The following PPARGC1A variants were observed in gnomAD, a reference collection of about 807,000 sequenced individuals.
PPARGC1A encodes the protein PPARG coactivator 1 alpha.
PPARGC1A carries 25 observed loss-of-function variants against 88.7 expected under a neutral mutation model. That is an observed-to-expected ratio of 0.28 (90% CI 0.21 to 0.39). PPARGC1A has a LOEUF of 0.39. PPARGC1A is among the 10% of genes least tolerant of loss of function. PPARGC1A has a pLI of 1.00. For missense variants in PPARGC1A, 880 were observed against 968.7 expected (o/e 0.91, Z 1.22); for synonymous variants, 363 against 355.6 (o/e 1.02, Z -0.24).
the PPARGC1A span, among the ~76,000 whole-genome samples, chr4:24,104,884 G>T: frequency 6.6e-6 from 1 of 152,324 alleles, no homozygotes; most frequent in Non-Finnish European, 1.5e-5. Flanking sequence ...AAATACTGCA[G>T]TTCACCAGCT....
the PPARGC1A span, among the ~76,000 whole-genome samples, chr4:24,336,927 TAATA>T: frequency 3.3e-5 from 5 of 152,160 alleles, no homozygotes; most frequent in African/African-American, 1.2e-4. Flanking sequence ...TTTAAAATAA[TAATA>T]AATAAATAAT....
At chr4:24,110,584 A>C in the PPARGC1A span, among the ~76,000 whole-genome samples, 1 of 152,208 alleles carries the variant, frequency 6.6e-6, no homozygotes, top group Admixed American at 6.5e-5. Flanking sequence ...ACAGCAAGAA[A>C]CACAAGTAAA....
the PPARGC1A span, among the ~76,000 whole-genome samples, chr4:24,172,659 T>G: frequency 6.6e-6 from 1 of 152,200 alleles, no homozygotes; most frequent in African/African-American, 2.4e-5. Flanking sequence ...TTAGATGTAA[T>G]TCCCTCCCTC....
chr4:23,805,465 C>A (rs1220546722), intron 10 of PPARGC1A, among the ~76,000 whole-genome samples: 1 of 152,136 alleles, frequency 6.6e-6, no homozygotes, highest in Non-Finnish European at 1.5e-5. Flanking sequence ...GTAACCAGTG[C>A]AGGCTGCCTG....
the PPARGC1A span, among the ~76,000 whole-genome samples, chr4:24,188,475 C>G: frequency 2.1e-4 from 32 of 152,184 alleles, 1 homozygote; most frequent in South Asian, 6.0e-3. Flanking sequence ...TTTGACATTC[C>G]CCTTTATCAT....
the PPARGC1A span, among the ~76,000 whole-genome samples, chr4:23,910,347 ATTATATATATTATATATATTATAT>A: frequency 1.6e-5 from 1 of 63,180 alleles, no homozygotes; most frequent in East Asian, 5.2e-4. Context: ...TATATTATAT[ATTATATATATTATATATATTATAT>A]TATATTATAT....
the PPARGC1A span, among the ~76,000 whole-genome samples, chr4:24,427,064 A>C: frequency 6.6e-6 from 1 of 152,148 alleles, no homozygotes; most frequent in African/African-American, 2.4e-5. Context: ...AAACCAGATA[A>C]CCTGTTGGGG....
At chr4:24,154,895 A>C in the PPARGC1A span, among the ~76,000 whole-genome samples, 1 of 152,224 alleles carries the variant, frequency 6.6e-6, no homozygotes, top group Admixed American at 6.5e-5. Flanking sequence ...GCATTGTGGA[A>C]AGCCCTTTGG....
the PPARGC1A span, among the ~76,000 whole-genome samples, chr4:24,135,368 C>T: frequency 6.6e-6 from 1 of 152,104 alleles, no homozygotes; most frequent in Non-Finnish European, 1.5e-5. Flanking sequence ...AGGAACATGG[C>T]TGAGTAAACA....
At chr4:24,127,106 GA>G in the PPARGC1A span, among the ~76,000 whole-genome samples, 9 of 152,250 alleles carry the variant, frequency 5.9e-5, no homozygotes, top group African/African-American at 2.2e-4. Context: ...TAAAAGAGGG[GA>G]TGAGCCATGC....
At chr4:23,896,187 G>A (rs1369011490) in intron 1 of PPARGC1A, among the ~76,000 whole-genome samples, 3 of 151,996 alleles carry the variant, frequency 2.0e-5, no homozygotes, top group Admixed American at 6.6e-5. Context: ...CAAGCTGTTC[G>A]TAGTGGCTGA....
At chr4:23,862,967 A>G (rs1022792185) in intron 2 of PPARGC1A, among the ~76,000 whole-genome samples, 2 of 152,080 alleles carry the variant, frequency 1.3e-5, no homozygotes, top group African/African-American at 4.8e-5. Context: ...CAATCTGCGC[A>G]TCACATTCCT....
At chr4:24,114,399 A>G in the PPARGC1A span, among the ~76,000 whole-genome samples, 1 of 152,188 alleles carries the variant, frequency 6.6e-6, no homozygotes, top group Non-Finnish European at 1.5e-5. Context: ...AATTACTTTC[A>G]CTATCCCACC....
At chr4:24,126,267 CCACACACACACACA>C in the PPARGC1A span, among the ~76,000 whole-genome samples, 2 of 146,444 alleles carry the variant, frequency 1.4e-5, no homozygotes, top group African/African-American at 2.5e-5. Context: ...TGGCTTCTCA[CCACACACACACACA>C]CACACACACA....
the PPARGC1A span, among the ~76,000 whole-genome samples, chr4:24,129,072 T>G: frequency 6.6e-6 from 1 of 152,204 alleles, no homozygotes; most frequent in South Asian, 2.1e-4. Flanking sequence ...GACTCCATAT[T>G]TTAAGGAATC....
the PPARGC1A span, among the ~76,000 whole-genome samples, chr4:24,181,007 T>G: frequency 6.6e-6 from 1 of 152,212 alleles, no homozygotes; most frequent in Non-Finnish European, 1.5e-5. Flanking sequence ...AGCAAGTAGT[T>G]GCAAGTCCAC....
chr4:24,436,875 T>G, the PPARGC1A span, among the ~76,000 whole-genome samples: 1 of 149,692 alleles, frequency 6.7e-6, no homozygotes, highest in Non-Finnish European at 1.5e-5. Flanking sequence ...AGAGCTAATA[T>G]CTATTGGCCA....
At chr4:23,995,865 A>G in the PPARGC1A span, among the ~76,000 whole-genome samples, 1 of 152,162 alleles carries the variant, frequency 6.6e-6, no homozygotes, top group African/African-American at 2.4e-5. Flanking sequence ...TTATATGTTC[A>G]TTGATTAGCT....
chr4:24,244,868 T>C, the PPARGC1A span, among the ~76,000 whole-genome samples: 1 of 152,226 alleles, frequency 6.6e-6, no homozygotes, highest in Non-Finnish European at 1.5e-5. Flanking sequence ...ACGGGTTCTC[T>C]GCTGCCAACT....
Sources: gnomAD v4.1 joint callset for allele counts (sites outside exome capture counted in the v4.1 genomes callset) on GRCh38, gnomAD v4.1.1 for gene constraint, MANE v1.5 for transcripts, NCBI Gene and HGNC (gene_info 2026-07-23, HGNC 2026-07-21) for gene names.